FAM161B: variants seen among roughly 807,000 people sequenced by gnomAD.
FAM161B encodes FAM161 centrosomal protein B.
Under a neutral mutation model 61.5 loss-of-function variants are expected in FAM161B, and 46 were observed. The observed-to-expected ratio is 0.75, with a 90% CI of 0.59 to 0.96. The LOEUF (loss-of-function observed/expected upper bound fraction) is 0.96, where lower values mean the gene tolerates loss of function less well. Among genes scored for constraint, FAM161B ranks in the 40% least tolerant of loss-of-function variants. The pLI is 0.00. For synonymous variants in FAM161B, 284 were observed against 302.7 expected (o/e 0.94, Z 0.64); for missense variants, 774 against 800.7 (o/e 0.97, Z 0.40).
intron 1 of FAM161B, 143 bp downstream of exon 1, chr14:73,949,830 A>G: frequency 3.3e-6 from 4 of 1,205,490 alleles, no homozygotes; most frequent in Non-Finnish European, 4.6e-6. Context: ...TCTGTAAGTC[A>G]GAGTCCGCCT....
chr14:73,939,884 G>C (rs2056002754), intron 5 of FAM161B, among the ~76,000 whole-genome samples: 1 of 152,244 alleles, frequency 6.6e-6, no homozygotes, highest in South Asian at 2.1e-4. Flanking sequence ...CCTGTGGCTG[G>C]AAAGCAGATG....
chr14:73,948,067 G>A, intron 1 of FAM161B, among the ~76,000 whole-genome samples: 1 of 152,076 alleles, frequency 6.6e-6, no homozygotes, highest in Non-Finnish European at 1.5e-5. Context: ...TGGGACTACA[G>A]CACACACCAT....
chr14:73,924,438 G>C, the FAM161B span, among the ~76,000 whole-genome samples: 4 of 152,136 alleles, frequency 2.6e-5, no homozygotes, highest in African/African-American at 9.7e-5. Context: ...AACAAAAAGG[G>C]TTTGAGGTTG....
rs1334806523 is a variant in FAM161B, at chr14:73,946,414, C to T, written c.246G>A (p.Leu82=). 6.2e-7 allele frequency: 1 copy of T among 1,614,040 alleles called. No homozygotes were observed. Among genetic ancestry groups the T allele is most frequent in the East Asian group, 2.2e-5 (1 of 44,898 alleles). The change falls in exon 2 of 9, where the codon CTG becomes CTA. Residue 82 remains leucine (L), a synonymous_variant. Coordinates refer to ENST00000286544, the MANE Select transcript of FAM161B (RefSeq NM_152445.3). ...GGTCAGACTGAAAGAGAGACTCCAA[C>T]AGACACCATCTCCCTTTCTGCTTCA... ...QELKQKGRWC[L]LESLFQSDPE...
At chr14:73,936,229 AC>A (rs1385049896) in intron 7 of FAM161B, 141 bp from the exon 8 acceptor site, 20 of 1,015,852 alleles carry the variant, frequency 2.0e-5, no homozygotes, top group Non-Finnish European at 2.6e-5. Context: ...AAATTATTTA[AC>A]CCTTGTTTTC....
downstream of FAM161B, among the ~76,000 whole-genome samples, chr14:73,928,792 T>A (rs571290530): frequency 5.3e-5 from 8 of 152,106 alleles, no homozygotes; most frequent in African/African-American, 1.4e-4. Flanking sequence ...AAAAGTTTTT[T>A]AAAAAATTAT....
chr14:73,932,724 A>G lies in FAM161B; in HGVS notation c.*1532T>C. ...AATGTAACCTTGAACTCCTACGCTC[A>G]AGGCATCCTCCCACCTCAGCCTCCT... On this transcript the variant is annotated 3_prime_UTR_variant, in exon 9 of 9. Coordinates refer to ENST00000286544, the MANE Select transcript of FAM161B (RefSeq NM_152445.3). The G allele has an allele frequency of 3.2e-6, 1 of 307,992 alleles. No individual in the cohort carries two copies. Among genetic ancestry groups the G allele is most frequent in the Non-Finnish European group, 6.3e-6 (1 of 159,276 alleles). The allele number at this position is 307,992 out of a possible 1,614,324, so 19.1% of individuals were successfully genotyped here.
Position 73,934,216 on chromosome 14 carries a change from G to C in FAM161B, c.*40C>G. ...GCCTTGACTCAAACCCAAGTTAGCTGCTTAATATTTTTCAAAAGCAGTAAT... is the reference window on the plus strand; with the variant it reads ...GCCTTGACTCAAACCCAAGTTAGCTCCTTAATATTTTTCAAAAGCAGTAAT... On this transcript the variant is annotated 3_prime_UTR_variant, in exon 9 of 9. Coordinates refer to ENST00000286544, the MANE Select transcript of FAM161B (RefSeq NM_152445.3). 6.2e-7 allele frequency: 1 copy of C among 1,600,442 alleles called. No individual in the cohort carries two copies. The highest frequency in any genetic ancestry group is 8.5e-7 in the Non-Finnish European group (1 of 1,174,802).
At position 73,946,622 on chromosome 14, in the gene FAM161B, A is replaced by ATAGGC; in HGVS notation, c.55-22_55-18dup. The ATAGGC allele has an allele frequency of 6.2e-7, 1 of 1,603,700 alleles. No individual in the cohort carries two copies. Among genetic ancestry groups the ATAGGC allele is most frequent in the Non-Finnish European group, 8.5e-7 (1 of 1,172,742 alleles). On this transcript the variant is annotated splice_polypyrimidine_tract_variant and intron_variant, in intron 1 of 8. Transcript: ENST00000286544. The stretch of plus-strand genomic sequence containing the variant: ...GGGAAATATCTAAAATAGAATAGAA[A>ATAGGC]TAGGCTGTGGGTCAAACAATAATTT...
chr14:73,946,076 T>A, intron 2 of FAM161B, among the ~76,000 whole-genome samples: 1 of 152,182 alleles, frequency 6.6e-6, no homozygotes, highest in Non-Finnish European at 1.5e-5. Flanking sequence ...AGTGCATCAC[T>A]GGACTAAGTG....
downstream of FAM161B, among the ~76,000 whole-genome samples, chr14:73,927,636 A>G (rs1452387352): frequency 1.3e-5 from 2 of 152,142 alleles, no homozygotes. Flanking sequence ...TAATTCATTC[A>G]GCGGCTAGTT....
downstream of FAM161B, among the ~76,000 whole-genome samples, chr14:73,928,597 A>G (rs768177109): frequency 2.0e-5 from 3 of 152,270 alleles, no homozygotes; most frequent in East Asian, 1.9e-4. Flanking sequence ...ATCCATGTAT[A>G]ATAGGTGCTG....
Position 73,945,589 on chromosome 14 carries a change from C to T in FAM161B, c.374+697G>A, listed in dbSNP as rs1317820702. 1.1e-4 allele frequency among the ~76,000 whole-genome samples: 16 copies of T among 151,654 alleles called. 1 individual carries two copies. The South Asian group carries it at 2.5e-3, about 24-fold the overall frequency. ...GATTACAGGCACCTGCCACCATGCCCGGCTAATTTTTTTATATTTTTAGTA... is the reference window on the plus strand; with the variant it reads ...GATTACAGGCACCTGCCACCATGCCTGGCTAATTTTTTTATATTTTTAGTA... On this transcript the variant is annotated intron_variant, in intron 2 of 8. Transcript: ENST00000286544.
At position 73,942,512 on chromosome 14, in the gene FAM161B, C is replaced by T. The variant is rs544380449; in HGVS notation, c.1129G>A (p.Gly377Ser). Reference sequence around the variant, plus strand: ...CTTCTCTGGAAGGCCTTGTAAAGGCCCTCATAGTCAGGGACCACAGGATTC... The same window carrying T: ...CTTCTCTGGAAGGCCTTGTAAAGGCTCTCATAGTCAGGGACCACAGGATTC... The part of the protein sequence containing the change: ...RVNPVVPDYE[G>S]LYKAFQRRAA... The change falls in exon 4 of 9, where the codon GGC (glycine) becomes AGC (serine). Residue 377 changes from glycine to serine, a missense_variant. Physicochemically the swap from Gly to Ser is moderately conservative, Grantham distance 56 (BLOSUM62 0). Coordinates refer to ENST00000286544, the MANE Select transcript of FAM161B (RefSeq NM_152445.3). 3.8e-5 allele frequency: 61 copies of T among 1,614,160 alleles called. 1 individual carries two copies. In the East Asian group the frequency reaches 1.3e-3, roughly 34 times the overall value.
intron 1 of FAM161B, among the ~76,000 whole-genome samples, chr14:73,947,867 A>T (rs1396286150): frequency 6.6e-6 from 1 of 151,952 alleles, no homozygotes. Flanking sequence ...CCAGGTATCA[A>T]CTCTGGAATG....
Position 73,946,290 on chromosome 14 carries a change from G to A in FAM161B, c.370C>T (p.Leu124=). The A allele has an allele frequency of 6.2e-7, 1 of 1,612,018 alleles. No individual in the cohort carries two copies. The highest frequency in any genetic ancestry group is 8.5e-7 in the Non-Finnish European group (1 of 1,178,568). ...CGTGGAGCTGCAGTGCCTTACCTCAGAGCCTGCGGGCACTGGACCTGCACC... is the reference window on the plus strand; with the variant it reads ...CGTGGAGCTGCAGTGCCTTACCTCAAAGCCTGCGGGCACTGGACCTGCACC... The part of the protein sequence containing the change: ...GMVQVQCPQA[L]RCGSTRRCSS... The change falls in exon 2 of 9, where the codon CTG becomes TTG. Residue 124 remains leucine (L), a synonymous_variant. Transcript: ENST00000286544.
chr14:73,923,328 T>A, the FAM161B span: 27 of 1,539,644 alleles, frequency 1.8e-5, no homozygotes, highest in Non-Finnish European at 2.3e-5. Context: ...AATGAGAGGC[T>A]TAATGATCCA....
At chr14:73,934,892 C>G (rs1594774625) in intron 8 of FAM161B, among the ~76,000 whole-genome samples, 1 of 151,752 alleles carries the variant, frequency 6.6e-6, no homozygotes, top group East Asian at 2.0e-4. Context: ...ACTAAAAATA[C>G]AAAAAATAGC....
In FAM161B at chr14:73,933,591, C is replaced by G. The variant is rs1034396251; in HGVS notation, c.*665G>C. On this transcript the variant is annotated 3_prime_UTR_variant, in exon 9 of 9. Coordinates refer to ENST00000286544, the MANE Select transcript of FAM161B (RefSeq NM_152445.3). ...GATGTAGTAACTCTGAGCCTATATT[C>G]CAGCAGGATTTGATACTTTCCAGTG... The G allele has an allele frequency of 6.6e-6, 1 of 152,176 alleles. No homozygotes were observed. The highest frequency in any genetic ancestry group is 1.9e-4 in the East Asian group (1 of 5,202). 9.4% of individuals were successfully genotyped at this position (152,176 alleles called of 1,614,324 possible).
Sources: gnomAD v4.1 joint callset for allele counts (sites outside exome capture counted in the v4.1 genomes callset) on GRCh38, gnomAD v4.1.1 for gene constraint, MANE v1.5 for transcripts, NCBI Gene and HGNC (gene_info 2026-07-23, HGNC 2026-07-21) for gene names.